The following SPIDR variants were observed in gnomAD, a reference collection of about 807,000 sequenced individuals.
SPIDR encodes the protein DNA repair-scaffolding protein.
Under a neutral mutation model 104.6 loss-of-function variants are expected in SPIDR, and 93 were observed. The ratio of observed to expected loss-of-function variants is 0.89; its 90% CI spans 0.75 to 1.06. SPIDR has a LOEUF of 1.06. SPIDR is among the 50% of genes least tolerant of loss of function. The probability of loss-of-function intolerance (pLI) is 0.00; values close to 1 mark genes in which losing one functional copy is unlikely to be tolerated. For missense variants in SPIDR, 1,154 were observed against 1,111.2 expected (o/e 1.04, Z -0.55); for synonymous variants, 431 against 416.9 (o/e 1.03, Z -0.41).
At chr8:47,318,074 A>G (rs1020000540) in intron 5 of SPIDR, among the ~76,000 whole-genome samples, 1 of 152,212 alleles carries the variant, frequency 6.6e-6, no homozygotes, top group Non-Finnish European at 1.5e-5. Context: ...CTCACCAGCA[A>G]CGGAACAAAG....
intron 11 of SPIDR, chr8:47,698,013 C>T (rs907345277): frequency 2.6e-5 from 4 of 152,184 alleles, no homozygotes; most frequent in Non-Finnish European, 1.5e-5. Context: ...CTGAATTTGT[C>T]TGCAGGCTCA....
chr8:47,349,164 T>G (rs2052871992), intron 5 of SPIDR, among the ~76,000 whole-genome samples: 2 of 152,226 alleles, frequency 1.3e-5, no homozygotes, highest in Non-Finnish European at 1.5e-5. Flanking sequence ...TTGATGTTGA[T>G]GCTATTCCTG....
At chr8:47,336,610 A>AT (rs1438779280) in intron 5 of SPIDR, among the ~76,000 whole-genome samples, 3 of 152,200 alleles carry the variant, frequency 2.0e-5, no homozygotes, top group African/African-American at 7.2e-5. Context: ...GTTCTTTGAT[A>AT]TTTTTTGAGA....
chr8:47,427,624 C>T (rs187337320), intron 7 of SPIDR, among the ~76,000 whole-genome samples: 1 of 152,274 alleles, frequency 6.6e-6, no homozygotes, highest in Non-Finnish European at 1.5e-5. Flanking sequence ...CCTGTGTGAA[C>T]CTTAGGTGAG....
intron 8 of SPIDR, among the ~76,000 whole-genome samples, chr8:47,545,018 T>C (rs2154394338): frequency 6.6e-6 from 1 of 152,246 alleles, no homozygotes; most frequent in East Asian, 1.9e-4. Flanking sequence ...AGCTTTAGCA[T>C]ACAGCTCTTA....
chr8:47,676,518 CTT>C (rs11367374), intron 11 of SPIDR, among the ~76,000 whole-genome samples: 1 of 149,150 alleles, frequency 6.7e-6, no homozygotes, highest in Non-Finnish European at 1.5e-5. Flanking sequence ...CATTCTCTCT[CTT>C]TTTTTTTTTC....
chr8:47,546,953 G>T, intron 8 of SPIDR: 1 of 489,640 alleles, frequency 2.0e-6, no homozygotes. Flanking sequence ...CTGTTCCATT[G>T]GCATCTTTCA....
chr8:47,599,150 G>A lies in SPIDR; in HGVS notation c.1498G>A (p.Gly500Ser). ...TCTTCCCAGCAGAGACAGCACCAGGGGTCAGCAGGGGGCCAGCTCAGGACA... is the reference window on the plus strand; with the variant it reads ...TCTTCCCAGCAGAGACAGCACCAGGAGTCAGCAGGGGGCCAGCTCAGGACA... The part of the protein sequence containing the change: ...YSLPSRDSTR[G>S]QQGASSGHTD... The change falls in exon 10 of 20, where the codon GGT (glycine) becomes AGT (serine). Residue 500 changes from glycine (G) to serine (S), a missense_variant. Physicochemically the swap from Gly to Ser is moderately conservative, Grantham distance 56. Coordinates refer to ENST00000297423, the MANE Select transcript of SPIDR (RefSeq NM_001080394.4). 1 of 1,613,754 alleles carries A rather than the reference G, an allele frequency of 6.2e-7. No homozygotes were observed. Among genetic ancestry groups the A allele is most frequent in the Non-Finnish European group, 8.5e-7 (1 of 1,179,920 alleles).
intron 6 of SPIDR, among the ~76,000 whole-genome samples, chr8:47,399,904 G>A (rs569288283): frequency 1.3e-5 from 2 of 152,316 alleles, no homozygotes; most frequent in Non-Finnish European, 2.9e-5. Context: ...GGGCAGTAAC[G>A]ATGACGGGCG....
At chr8:47,536,413 C>T (rs2086924979) in intron 8 of SPIDR, among the ~76,000 whole-genome samples, 1 of 151,962 alleles carries the variant, frequency 6.6e-6, no homozygotes, top group Non-Finnish European at 1.5e-5. Flanking sequence ...GGCAGTGATA[C>T]AGGAAAAAGA....
chr8:47,617,268 G>C (rs991069056), intron 10 of SPIDR, among the ~76,000 whole-genome samples: 7 of 152,110 alleles, frequency 4.6e-5, no homozygotes, highest in South Asian at 2.1e-4. Flanking sequence ...TGCCTGGGAG[G>C]TGAAGCTGGA....
chr8:47,391,460 A>G (rs1239867299), intron 5 of SPIDR, among the ~76,000 whole-genome samples: 3 of 152,088 alleles, frequency 2.0e-5, no homozygotes, highest in Non-Finnish European at 2.9e-5. Flanking sequence ...GGATCACTCA[A>G]TCCCAGGAGA....
intron 11 of SPIDR, among the ~76,000 whole-genome samples, chr8:47,697,124 C>A (rs966699517): frequency 6.6e-6 from 1 of 151,868 alleles, no homozygotes; most frequent in Non-Finnish European, 1.5e-5. Context: ...TAAGTGAGAA[C>A]ATGTTCTCAG....
chr8:47,330,840 T>C (rs2048540336), intron 5 of SPIDR: 1 of 456,136 alleles, frequency 2.2e-6, no homozygotes, highest in South Asian at 1.5e-5. Context: ...CGTGTGGAGA[T>C]AAACTTTCAA....
chr8:47,340,823 T>G (rs1248356703), intron 5 of SPIDR, among the ~76,000 whole-genome samples: 2 of 152,208 alleles, frequency 1.3e-5, no homozygotes, highest in Non-Finnish European at 2.9e-5. Context: ...CAGTGGCTCT[T>G]CCTGGTTAGC....
chr8:47,423,901 A>G (rs1223326082), intron 7 of SPIDR, among the ~76,000 whole-genome samples: 18 of 152,260 alleles, frequency 1.2e-4, no homozygotes, highest in Admixed American at 3.9e-4. Context: ...ACAGTTTCCA[A>G]CATTGCTTTG....
At chr8:47,371,143 T>C (rs1272068487) in intron 5 of SPIDR, among the ~76,000 whole-genome samples, 1 of 151,658 alleles carries the variant, frequency 6.6e-6, no homozygotes, top group African/African-American at 2.4e-5. Context: ...TTTTTTTTTT[T>C]TTAAGGAAAA....
At chr8:47,463,972 C>G (rs1305507202) in intron 8 of SPIDR, among the ~76,000 whole-genome samples, 3 of 152,130 alleles carry the variant, frequency 2.0e-5, no homozygotes, top group Non-Finnish European at 2.9e-5. Context: ...TGCTTTCACC[C>G]TTCCATTTAA....
intron 8 of SPIDR, among the ~76,000 whole-genome samples, chr8:47,461,504 T>G (rs1477235664): frequency 1.3e-5 from 2 of 152,072 alleles, no homozygotes; most frequent in Non-Finnish European, 2.9e-5. Context: ...TAGAGATGGG[T>G]TTTCACCATG....
Sources: allele counts gnomAD v4.1 joint callset (sites outside exome capture counted in the v4.1 genomes callset), GRCh38; gene constraint gnomAD v4.1.1; transcripts MANE v1.5; gene names NCBI Gene and HGNC (gene_info 2026-07-23, HGNC 2026-07-21).